Variants in MUSK observed in about 807,000 individuals in gnomAD.
MUSK encodes muscle, skeletal receptor tyrosine-protein kinase.
MUSK carries 55 observed loss-of-function variants against 88.7 expected under a neutral mutation model. The observed-to-expected ratio is 0.62, with a 90% CI of 0.50 to 0.78. The LOEUF (loss-of-function observed/expected upper bound fraction) is 0.78, where lower values mean the gene tolerates loss of function less well. Ranked by LOEUF, MUSK falls within the 30% of genes least tolerant of loss-of-function variation. MUSK has a pLI of 0.00. For synonymous variants in MUSK, 387 were observed against 391.9 expected (o/e 0.99, Z 0.15); for missense variants, 1,015 against 1,074.3 (o/e 0.94, Z 0.77).
At chr9:110,690,969 A>G (rs1007729750) in intron 3 of MUSK, among the ~76,000 whole-genome samples, 3 of 150,406 alleles carry the variant, frequency 2.0e-5, no homozygotes, top group African/African-American at 7.3e-5. Context: ...AGTTCAAGCA[A>G]TTCTCCTGCC....
intron 6 of MUSK, among the ~76,000 whole-genome samples, chr9:110,740,414 C>T (rs1341551644): frequency 6.6e-6 from 1 of 152,124 alleles, no homozygotes; most frequent in East Asian, 1.9e-4. Context: ...CTTGTGTGTG[C>T]ACTTCTGGTG....
chr9:110,715,026 T>C (rs1384120432), intron 5 of MUSK, among the ~76,000 whole-genome samples: 1 of 149,812 alleles, frequency 6.7e-6, no homozygotes, highest in Non-Finnish European at 1.5e-5. Context: ...ATATGCTTTT[T>C]AACACCGGAA....
intron 3 of MUSK, among the ~76,000 whole-genome samples, chr9:110,688,257 T>A (rs966399417): frequency 6.6e-6 from 1 of 152,188 alleles, no homozygotes; most frequent in South Asian, 2.1e-4. Flanking sequence ...TCTCTACTCC[T>A]GCAATTACCC....
intron 13 of MUSK, among the ~76,000 whole-genome samples, chr9:110,786,905 A>G (rs973496809): frequency 5.3e-5 from 8 of 152,142 alleles, no homozygotes; most frequent in South Asian, 2.1e-4. Context: ...ATCTCCACCC[A>G]TGGTGGCCCT....
Position 110,767,991 on chromosome 9 carries a change from A to AGTC in MUSK, c.1093_1095dup (p.Val365dup). On this transcript the variant is annotated inframe_insertion, in exon 9 of 15. Transcript: ENST00000374448. The stretch of plus-strand genomic sequence containing the variant: ...GGAATGAACTGAAAGTAGTGAGCCC[A>AGTC]GTCTGCCGGCCAGCTGCTGAGGCTT... The AGTC allele has an allele frequency of 6.2e-7, 1 of 1,614,004 alleles. No homozygotes were observed. Among genetic ancestry groups the AGTC allele is most frequent in the Non-Finnish European group, 8.5e-7 (1 of 1,179,882 alleles).
rs540402865 is a variant in MUSK at position 110,747,867 on chromosome 9, G to A, written c.913+67G>A. ...AGAGTTGATACTATTCTACAATATC[G>A]AGCATTGGAGAAAATCTCCCTTTTC... On this transcript the variant is annotated intron_variant, in intron 7 of 14. Coordinates refer to ENST00000374448, the MANE Select transcript of MUSK (RefSeq NM_005592.4). 1.4e-5 allele frequency: 22 copies of A among 1,541,052 alleles called. No homozygotes were observed. In the African/African-American group the frequency reaches 1.6e-4, roughly 11 times the overall value.
chr9:110,730,491 T>G (rs1370737946), intron 5 of MUSK, among the ~76,000 whole-genome samples: 1 of 152,090 alleles, frequency 6.6e-6, no homozygotes, highest in African/African-American at 2.4e-5. Flanking sequence ...CTATGCCCAT[T>G]TTATTTAATA....
chr9:110,731,950 TCCAAGAAGAATTTA>T (rs1313817253), intron 5 of MUSK, among the ~76,000 whole-genome samples: 3 of 151,906 alleles, frequency 2.0e-5, no homozygotes, highest in Admixed American at 2.0e-4. Flanking sequence ...ATAAAACCTT[TCCAAGAAGAATTTA>T]AAGTCCCCAA....
At chr9:110,690,876 A>T (rs2076345855) in intron 3 of MUSK, among the ~76,000 whole-genome samples, 1 of 136,396 alleles carries the variant, frequency 7.3e-6, no homozygotes, top group Non-Finnish European at 1.5e-5. Context: ...TTAAATAAAT[A>T]TATATATATT....
chr9:110,763,872 A>G (rs1259236004), intron 8 of MUSK, among the ~76,000 whole-genome samples: 1 of 152,182 alleles, frequency 6.6e-6, no homozygotes, highest in Non-Finnish European at 1.5e-5. Context: ...AAAATGTTCT[A>G]TTGAATGTGA....
chr9:110,708,091 C>CCTAT (rs34403055), intron 5 of MUSK, among the ~76,000 whole-genome samples: 27,885 of 148,556 alleles, frequency 0.19, 2,610 homozygotes, highest in East Asian at 0.24. Flanking sequence ...ATAAATAATT[C>CCTAT]CTATCTATCT....
chr9:110,743,975 A>AT (rs1479578767), intron 6 of MUSK, among the ~76,000 whole-genome samples: 1 of 127,528 alleles, frequency 7.8e-6, no homozygotes, highest in Non-Finnish European at 1.7e-5. Flanking sequence ...TTTTTTTTTT[A>AT]TTTTTTTCCC....
At chr9:110,695,125 A>G (rs964450722) in intron 3 of MUSK, among the ~76,000 whole-genome samples, 1 of 152,180 alleles carries the variant, frequency 6.6e-6, no homozygotes, top group Non-Finnish European at 1.5e-5. Flanking sequence ...ATCTTTTAAA[A>G]TGAAGAATGC....
intron 2 of MUSK, among the ~76,000 whole-genome samples, chr9:110,683,665 C>T (rs2076160458): frequency 1.3e-5 from 2 of 151,984 alleles, no homozygotes; most frequent in South Asian, 4.1e-4. Context: ...TCTTTTGGCT[C>T]TAAGCCATTT....
intron 3 of MUSK, 75 bp downstream of exon 3, chr9:110,687,343 T>C (rs1309323924): frequency 8.4e-7 from 1 of 1,191,230 alleles, no homozygotes; most frequent in East Asian, 3.0e-5. Context: ...ATTTTTTACA[T>C]TTTTTTTTTG....
At position 110,672,721 on chromosome 9, in the gene MUSK, C is replaced by T. The variant is rs990974771; in HGVS notation, c.79+3738C>T. On this transcript the variant is annotated intron_variant, in intron 1 of 14. Coordinates refer to ENST00000374448, the MANE Select transcript of MUSK (RefSeq NM_005592.4). ...ACATGAATATTTTCCAAGTCAGAGC[C>T]CTAATTTTACTAAAATAGAAAGGAG... 5.9e-5 allele frequency among the ~76,000 whole-genome samples: 9 copies of T among 151,940 alleles called. No homozygotes were observed. The South Asian group carries it at 1.7e-3, about 28-fold the overall frequency.
At chr9:110,691,951 T>C (rs1049929088) in intron 3 of MUSK, among the ~76,000 whole-genome samples, 2 of 152,192 alleles carry the variant, frequency 1.3e-5, no homozygotes, top group African/African-American at 4.8e-5. Context: ...TTTTAGTAGA[T>C]ATCCTCTGTT....
intron 3 of MUSK, among the ~76,000 whole-genome samples, chr9:110,689,935 TAAATATATATTTAAATA>T (rs1564218592): frequency 1.0e-3 from 98 of 95,662 alleles, no homozygotes; most frequent in African/African-American, 3.8e-3. Context: ...ATATAATATA[TAAATATATATTTAAATA>T]TAAATATATA....
intron 7 of MUSK, among the ~76,000 whole-genome samples, chr9:110,752,193 C>G (rs1407573300): frequency 6.6e-6 from 1 of 152,184 alleles, no homozygotes; most frequent in African/African-American, 2.4e-5. Flanking sequence ...TTCTCTTCCT[C>G]TTTGACCTGC....
Sources: gnomAD v4.1 joint callset for allele counts (sites outside exome capture counted in the v4.1 genomes callset) on GRCh38, gnomAD v4.1.1 for gene constraint, MANE v1.5 for transcripts, NCBI Gene and HGNC (gene_info 2026-07-23, HGNC 2026-07-21) for gene names.